Variants in DLGAP2 observed in about 807,000 individuals in gnomAD.
The protein encoded by DLGAP2 is disks large-associated protein 2.
Under a neutral mutation model 100.3 loss-of-function variants are expected in DLGAP2, and 26 were observed. The ratio of observed to expected loss-of-function variants is 0.26; its 90% CI spans 0.19 to 0.36. The LOEUF (loss-of-function observed/expected upper bound fraction) is 0.36, where lower values mean the gene tolerates loss of function less well. DLGAP2 is among the 10% of genes least tolerant of loss of function. The pLI is 1.00. For missense variants in DLGAP2, 1,858 were observed against 1,453.2 expected, an observed-to-expected ratio of 1.28 and a Z score of -4.53; for synonymous variants, 886 against 630.1, an observed-to-expected ratio of 1.41 and a Z score of -6.08.
At chr8:1,488,035 C>G (rs1414094212) in intron 3 of DLGAP2, among the ~76,000 whole-genome samples, 3 of 144,962 alleles carry the variant, frequency 2.1e-5, no homozygotes, top group African/African-American at 7.4e-5. Context: ...CGCTGAGAGT[C>G]TTCGTTGAGG....
At chr8:917,492 C>A (rs1798619639) in intron 2 of DLGAP2, among the ~76,000 whole-genome samples, 1 of 152,158 alleles carries the variant, frequency 6.6e-6, no homozygotes, top group South Asian at 2.1e-4. Context: ...CCTGCCTTGG[C>A]CTCCCAAAGT....
At chr8:1,593,387 G>A (rs536073099) in intron 6 of DLGAP2, among the ~76,000 whole-genome samples, 102 of 152,010 alleles carry the variant, frequency 6.7e-4, no homozygotes, top group African/African-American at 2.2e-3. Context: ...CCCAGGAGGC[G>A]GAGCTTGCAG....
chr8:1,603,759 A>G (rs1796707646), intron 6 of DLGAP2, among the ~76,000 whole-genome samples: 1 of 152,100 alleles, frequency 6.6e-6, no homozygotes, highest in Non-Finnish European at 1.5e-5. Context: ...TGTCTCAGGG[A>G]TTATTTATCT....
At chr8:1,130,059 G>A (rs1361304787) in intron 2 of DLGAP2, among the ~76,000 whole-genome samples, 2 of 151,838 alleles carry the variant, frequency 1.3e-5, no homozygotes, top group African/African-American at 4.8e-5. Flanking sequence ...GGATCATGTC[G>A]GGCACTTCAC....
chr8:1,651,209 G>C (rs1274415667), intron 8 of DLGAP2, among the ~76,000 whole-genome samples: 1 of 152,214 alleles, frequency 6.6e-6, no homozygotes, highest in African/African-American at 2.4e-5. Flanking sequence ...AGAAGGGCCA[G>C]GACTGAAGCA....
intron 2 of DLGAP2, among the ~76,000 whole-genome samples, chr8:1,194,136 G>C (rs542981123): frequency 2.6e-4 from 39 of 152,170 alleles, no homozygotes; most frequent in African/African-American, 9.4e-4. Context: ...AAGTGAGTAA[G>C]ACACAGTCCC....
At chr8:1,389,154 G>A (rs1363194973) in intron 3 of DLGAP2, among the ~76,000 whole-genome samples, 1 of 152,148 alleles carries the variant, frequency 6.6e-6, no homozygotes, top group Non-Finnish European at 1.5e-5. Flanking sequence ...GACTAAGGGT[G>A]TGGAAGTGCA....
chr8:1,370,219 T>C (rs1452350555), intron 3 of DLGAP2, among the ~76,000 whole-genome samples: 1 of 152,136 alleles, frequency 6.6e-6, no homozygotes, highest in Non-Finnish European at 1.5e-5. Flanking sequence ...TGGCCGACTC[T>C]GAAGGCAGGT....
chr8:970,057 C>G (rs548161922), intron 2 of DLGAP2, among the ~76,000 whole-genome samples: 2 of 152,190 alleles, frequency 1.3e-5, no homozygotes, highest in South Asian at 4.2e-4. Flanking sequence ...GAGTGAAATT[C>G]TGACATATAT....
intron 3 of DLGAP2, among the ~76,000 whole-genome samples, chr8:1,269,079 G>C (rs1418166106): frequency 2.6e-5 from 4 of 152,162 alleles, no homozygotes. Context: ...AATTCATCAA[G>C]TCTAAATATT....
intron 3 of DLGAP2, among the ~76,000 whole-genome samples, chr8:1,423,500 C>T (rs866774711): frequency 3.9e-5 from 6 of 152,366 alleles, no homozygotes; most frequent in Middle Eastern, 3.4e-3. Context: ...CTGGCACCAG[C>T]TTGTCAAGGC....
chr8:1,689,458 C>T (rs1799200631), intron 12 of DLGAP2, among the ~76,000 whole-genome samples: 1 of 152,218 alleles, frequency 6.6e-6, no homozygotes, highest in Admixed American at 6.5e-5. Flanking sequence ...GGGGGCAAAT[C>T]TCCAGGATAA....
chr8:1,229,313 T>A (rs1474101081), intron 2 of DLGAP2, among the ~76,000 whole-genome samples: 1 of 152,120 alleles, frequency 6.6e-6, no homozygotes, highest in Admixed American at 6.5e-5. Context: ...AATCAGCTCC[T>A]TTTTGTACGT....
intron 2 of DLGAP2, among the ~76,000 whole-genome samples, chr8:1,213,078 T>C (rs552757112): frequency 6.6e-6 from 1 of 152,258 alleles, no homozygotes; most frequent in African/African-American, 2.4e-5. Flanking sequence ...TCCAGCATCT[T>C]AGCAAACTGT....
intron 4 of DLGAP2, among the ~76,000 whole-genome samples, chr8:1,502,734 T>C (rs1799766023): frequency 6.6e-6 from 1 of 152,182 alleles, no homozygotes; most frequent in Non-Finnish European, 1.5e-5. Context: ...CGGGACTCAT[T>C]TGACGTTTGT....
intron 3 of DLGAP2, among the ~76,000 whole-genome samples, chr8:1,333,671 C>T (rs150479311): frequency 1.1e-3 from 169 of 152,292 alleles, no homozygotes; most frequent in African/African-American, 3.6e-3. Flanking sequence ...GATGTAACCG[C>T]GGGCTCTCCA....
chr8:951,209 T>G (rs1799470965), intron 2 of DLGAP2, among the ~76,000 whole-genome samples: 1 of 152,216 alleles, frequency 6.6e-6, no homozygotes, highest in Non-Finnish European at 1.5e-5. Context: ...TCTATCTTGT[T>G]TCTGATATTT....
chr8:1,000,185 G>C (rs572079185), intron 2 of DLGAP2, among the ~76,000 whole-genome samples: 42 of 148,246 alleles, frequency 2.8e-4, no homozygotes, highest in African/African-American at 8.0e-4. Context: ...TCCGGGTGGA[G>C]GTGGTTTTCT....
chr8:1,673,498 T>A (rs1247803488), intron 10 of DLGAP2, among the ~76,000 whole-genome samples: 2 of 152,222 alleles, frequency 1.3e-5, no homozygotes, highest in African/African-American at 4.8e-5. Context: ...TCATTTTACT[T>A]AGAAAGATTT....
Sources: gnomAD v4.1 joint callset for allele counts (sites outside exome capture counted in the v4.1 genomes callset) on GRCh38, gnomAD v4.1.1 for gene constraint, MANE v1.5 for transcripts, NCBI Gene and HGNC (gene_info 2026-07-23, HGNC 2026-07-21) for gene names.